TACR1: variants seen among roughly 807,000 people sequenced by gnomAD.
TACR1 encodes substance-P receptor.
A neutral mutation model predicts 35.8 loss-of-function variants in TACR1; 25 were observed. That is an observed-to-expected ratio of 0.70 (90% CI 0.51 to 0.98). TACR1 has a LOEUF of 0.98. TACR1 is among the 50% of genes least tolerant of loss of function. TACR1 has a pLI of 0.00. For missense variants in TACR1, 478 were observed against 522.9 expected (o/e 0.91, Z 0.84); for synonymous variants, 195 against 206.7 (o/e 0.94, Z 0.48).
intron 1 of TACR1, among the ~76,000 whole-genome samples, chr2:75,158,664 G>A (rs551814737): frequency 6.6e-6 from 1 of 152,324 alleles, no homozygotes; most frequent in Non-Finnish European, 1.5e-5. Context: ...GGAGACAGCT[G>A]AATGTTTGCA....
chr2:75,151,005 C>T (rs1234497418), intron 1 of TACR1, among the ~76,000 whole-genome samples: 2 of 152,140 alleles, frequency 1.3e-5, no homozygotes. Context: ...GAACTTTGAA[C>T]TTGAAAGAGC....
Position 75,049,319 on chromosome 2 carries a change from TGCAAGTCCCAG to T in TACR1, c.*102_*112del. On this transcript the variant is annotated 3_prime_UTR_variant, in exon 5 of 5. Coordinates refer to ENST00000305249, the MANE Select transcript of TACR1 (RefSeq NM_001058.4). ...TTCCCTAACCCATACTGACCCTTTT[TGCAAGTCCCAG>T]TGTGAGGGTGTTTCTGATGGTTCCA... 18 of 1,226,300 alleles carry T rather than the reference TGCAAGTCCCAG, an allele frequency of 1.5e-5. No individual in the cohort carries two copies. In the Admixed American group the frequency reaches 1.7e-4, roughly 12 times the overall value. The allele number at this position is 1,226,300 out of a possible 1,614,324, so 76.0% of individuals were successfully genotyped here.
chr2:75,091,933 T>C (rs1270700308), intron 2 of TACR1, among the ~76,000 whole-genome samples: 1 of 152,206 alleles, frequency 6.6e-6, no homozygotes, highest in Non-Finnish European at 1.5e-5. Flanking sequence ...TCTGTAAGCC[T>C]CAGTTTACAA....
At chr2:75,192,135 A>G (rs538113365) in intron 1 of TACR1, among the ~76,000 whole-genome samples, 200 of 152,250 alleles carry the variant, frequency 1.3e-3, no homozygotes, top group African/African-American at 4.6e-3. Flanking sequence ...GTGATGCTAG[A>G]CAGAGTGATG....
chr2:75,052,070 G>A (rs1280661057), intron 3 of TACR1, among the ~76,000 whole-genome samples: 1 of 152,144 alleles, frequency 6.6e-6, no homozygotes, highest in Non-Finnish European at 1.5e-5. Flanking sequence ...CGATTTAAAA[G>A]GTTTTGTGAA....
At chr2:75,174,723 A>G (rs1035948304) in intron 1 of TACR1, among the ~76,000 whole-genome samples, 18 of 152,340 alleles carry the variant, frequency 1.2e-4, no homozygotes, top group African/African-American at 4.3e-4. Context: ...ATCCATAGCA[A>G]TGGAGAGTGA....
rs545404301 is a variant in TACR1 at position 75,191,826 on chromosome 2, T to G, written c.389+6720A>C. The stretch of plus-strand genomic sequence containing the variant: ...CAGAAGAGAAGCATGGTCAGTTTGC[T>G]CATGACGCACACATTTTAATGAGTA... On this transcript the variant is annotated intron_variant, in intron 1 of 4. Transcript: ENST00000305249. Among the ~76,000 whole-genome samples the G allele has an allele frequency of 1.8e-4, 27 of 152,234 alleles. 1 individual carries two copies. The highest frequency in any genetic ancestry group is 5.8e-4 in the African/African-American group (24 of 41,524).
Position 75,199,025 on chromosome 2 carries a change from C to T in TACR1, c.-91G>A. 6.7e-7 allele frequency: 1 copy of T among 1,497,830 alleles called. No individual in the cohort carries two copies. Among genetic ancestry groups the T allele is most frequent in the Non-Finnish European group, 9.0e-7 (1 of 1,115,050 alleles). The allele number at this position is 1,497,830 out of a possible 1,614,324, so 92.8% of individuals were successfully genotyped here. On this transcript the variant is annotated 5_prime_UTR_variant, in exon 1 of 5. Coordinates refer to ENST00000305249, the MANE Select transcript of TACR1 (RefSeq NM_001058.4). The stretch of plus-strand genomic sequence containing the variant: ...CTGGCGCCTGGGGCTCAGGGTCCTT[C>T]TAAAGCCAGACAGGAGGGTGGAAGG...
At chr2:75,166,587 A>G (rs1675148335) in intron 1 of TACR1, among the ~76,000 whole-genome samples, 1 of 152,166 alleles carries the variant, frequency 6.6e-6, no homozygotes. Flanking sequence ...TGGGGCTCTC[A>G]CTGACTCTTC....
chr2:75,103,845 A>G lies in TACR1; in HGVS notation c.584+16729T>C, dbSNP rs573123725. On this transcript the variant is annotated intron_variant, in intron 2 of 4. Transcript: ENST00000305249. ...TGTTATCAGTTTCAAATAGACTGTTATAACTGTCAGATATTTTACATAAGC... is the reference window on the plus strand; with the variant it reads ...TGTTATCAGTTTCAAATAGACTGTTGTAACTGTCAGATATTTTACATAAGC... 2.0e-5 allele frequency among the ~76,000 whole-genome samples: 3 copies of G among 152,270 alleles called. No homozygotes were observed. The South Asian group carries it at 6.2e-4, about 32-fold the overall frequency.
Position 75,070,282 on chromosome 2 carries a change from C to G in TACR1, c.585-16527G>C, listed in dbSNP as rs551571436. ...GTGTGTGTGTGTGTTTTGAGCACTTCTTTTCTGGAAATACAAGGTACTTCA... is the reference window on the plus strand; with the variant it reads ...GTGTGTGTGTGTGTTTTGAGCACTTGTTTTCTGGAAATACAAGGTACTTCA... On this transcript the variant is annotated intron_variant, in intron 2 of 4. Coordinates refer to ENST00000305249, the MANE Select transcript of TACR1 (RefSeq NM_001058.4). Among the ~76,000 whole-genome samples, 5 of 150,542 alleles carry G rather than the reference C, an allele frequency of 3.3e-5. No individual in the cohort carries two copies. The East Asian group carries it at 9.8e-4, about 29-fold the overall frequency.
intron 1 of TACR1, among the ~76,000 whole-genome samples, chr2:75,173,850 T>G (rs1675347823): frequency 6.6e-6 from 1 of 152,262 alleles, no homozygotes; most frequent in African/African-American, 2.4e-5. Flanking sequence ...GAGATCTTCC[T>G]GTTCTTATGC....
chr2:75,169,716 AG>A (rs1448939398), intron 1 of TACR1, among the ~76,000 whole-genome samples: 3 of 152,214 alleles, frequency 2.0e-5, no homozygotes, highest in Non-Finnish European at 4.4e-5. Context: ...TCTGGAAAGT[AG>A]ATTCTGCTCA....
At chr2:75,124,218 A>G (rs1358691696) in intron 1 of TACR1, among the ~76,000 whole-genome samples, 2 of 152,208 alleles carry the variant, frequency 1.3e-5, no homozygotes, top group Non-Finnish European at 2.9e-5. Context: ...TTGCATGATG[A>G]TGCTTTATAA....
chr2:75,096,087 T>A (rs375045104), intron 2 of TACR1, among the ~76,000 whole-genome samples: 26 of 152,306 alleles, frequency 1.7e-4, no homozygotes, highest in African/African-American at 6.0e-4. Context: ...AGGGGACATG[T>A]ACAAAGTCAA....
At chr2:75,068,010 G>T (rs535635360) in intron 2 of TACR1, among the ~76,000 whole-genome samples, 1 of 152,196 alleles carries the variant, frequency 6.6e-6, no homozygotes, top group African/African-American at 2.4e-5. Flanking sequence ...TTTCATCTGG[G>T]CAAGATATAA....
chr2:75,060,387 T>A (rs1260328355), intron 2 of TACR1, among the ~76,000 whole-genome samples: 1 of 152,236 alleles, frequency 6.6e-6, no homozygotes, highest in East Asian at 1.9e-4. Context: ...TCAGGGAAGC[T>A]TCCTGGAGGA....
intron 1 of TACR1, among the ~76,000 whole-genome samples, chr2:75,153,710 T>C (rs1310014193): frequency 6.6e-6 from 1 of 152,210 alleles, no homozygotes; most frequent in East Asian, 1.9e-4. Context: ...TTTCCTTCCA[T>C]GTGGCTGCTA....
chr2:75,057,715 G>C (rs80066395), intron 2 of TACR1, among the ~76,000 whole-genome samples: 4,246 of 152,210 alleles, frequency 0.028, 209 homozygotes, highest in African/African-American at 0.096. Flanking sequence ...TACAGAATCT[G>C]TTTGAGATAA....
Sources: allele counts gnomAD v4.1 joint callset (sites outside exome capture counted in the v4.1 genomes callset), GRCh38; gene constraint gnomAD v4.1.1; transcripts MANE v1.5; gene names NCBI Gene and HGNC (gene_info 2026-07-23, HGNC 2026-07-21).